Variants in PRH1 observed in about 807,000 individuals in gnomAD.
PRH1 encodes the protein salivary acidic proline-rich phosphoprotein 1/2.
A neutral mutation model predicts 7.9 loss-of-function variants in PRH1; 7 were observed. That is an observed-to-expected ratio of 0.89 (90% CI 0.50 to 1.67). The LOEUF is 1.67. Ranked by LOEUF, PRH1 falls within the 40% of genes most tolerant of loss-of-function variation. The pLI is 0.00. For synonymous variants in PRH1, 45 were observed against 80.8 expected, an observed-to-expected ratio of 0.56 and a Z score of 2.38; for missense variants, 109 against 223.6, an observed-to-expected ratio of 0.49 and a Z score of 3.27.
chr12:10,911,441 G>C (rs891336871), intron 2 of PRH1, among the ~76,000 whole-genome samples: 2 of 152,134 alleles, frequency 1.3e-5, no homozygotes, highest in African/African-American at 2.4e-5. Flanking sequence ...ATAAGAGAAA[G>C]AGAATAGATG....
At chr12:10,966,171 C>A (rs1250120917) in intron 2 of PRH1, among the ~76,000 whole-genome samples, 1 of 152,210 alleles carries the variant, frequency 6.6e-6, no homozygotes, top group Non-Finnish European at 1.5e-5. Context: ...ACATATCTCT[C>A]ATACTTAGAC....
intron 2 of PRH1, chr12:10,929,299 C>G (rs754157305): frequency 1.2e-6 from 2 of 1,614,134 alleles, no homozygotes; most frequent in Non-Finnish European, 1.7e-6. Flanking sequence ...CTGTCAGTGG[C>G]CCTGCTGGCC....
At chr12:11,071,399 C>T (rs1191597216) in intron 1 of PRH1, among the ~76,000 whole-genome samples, 172 of 152,222 alleles carry the variant, frequency 1.1e-3, no homozygotes, top group Middle Eastern at 3.4e-3. Context: ...AAAAAAAGAC[C>T]TTCTTGGAAG....
At chr12:11,103,972 C>T (rs1472218880) in intron 1 of PRH1, among the ~76,000 whole-genome samples, 2 of 151,828 alleles carry the variant, frequency 1.3e-5, no homozygotes, top group Non-Finnish European at 2.9e-5. Flanking sequence ...TGGTTCTAAT[C>T]AGATAATCAC....
intron 2 of PRH1, among the ~76,000 whole-genome samples, chr12:10,959,416 G>A (rs1407772631): frequency 1.3e-5 from 2 of 152,000 alleles, no homozygotes; most frequent in Admixed American, 6.6e-5. Context: ...AATAAGTAAG[G>A]CCATGAGTAG....
intron 1 of PRH1, chr12:11,030,699 C>A (rs1458845204): frequency 4.3e-6 from 7 of 1,614,034 alleles, no homozygotes; most frequent in Admixed American, 3.3e-5. Flanking sequence ...GATCCTTTAC[C>A]ATGGAGCTGC....
At chr12:11,101,001 C>T (rs1021612397) in intron 1 of PRH1, among the ~76,000 whole-genome samples, 5 of 151,970 alleles carry the variant, frequency 3.3e-5, no homozygotes, top group African/African-American at 2.4e-5. Flanking sequence ...TAATATCCAT[C>T]GTACTATAAT....
At chr12:11,171,367 C>A (rs900342486) in intron 1 of PRH1, 1 of 1,231,852 alleles carries the variant, frequency 8.1e-7, no homozygotes, top group Non-Finnish European at 1.0e-6. Context: ...ATGGCCCCCG[C>A]GGCGGCTCCG....
intron 2 of PRH1, among the ~76,000 whole-genome samples, chr12:10,945,227 T>A (rs1204223814): frequency 2.6e-5 from 4 of 152,182 alleles, no homozygotes; most frequent in South Asian, 2.1e-4. Context: ...TGATTCAATT[T>A]TGGAGTTCAT....
intron 1 of PRH1, among the ~76,000 whole-genome samples, chr12:11,023,662 C>T (rs1252807068): frequency 6.6e-6 from 1 of 152,116 alleles, no homozygotes; most frequent in Non-Finnish European, 1.5e-5. Flanking sequence ...TGCTCTTTTC[C>T]ACTAACCATG....
Position 11,142,263 on chromosome 12 carries a change from T to C in PRH1, n.40-21083A>G, listed in dbSNP as rs75855893. Among the ~76,000 whole-genome samples, 1,016 of 152,326 alleles carry C rather than the reference T, an allele frequency of 6.7e-3. 5 individuals carry two copies. The highest frequency in any genetic ancestry group is 0.027 in the Middle Eastern group (8 of 294). ...AAATTCAGCACAAGGAGAGTCTTTA[T>C]AGGTGAAAAGTCAACTTATATATAT... On this transcript the variant is annotated intron_variant and non_coding_transcript_variant, in intron 1 of 1. Coordinates refer to the PRH1 transcript ENST00000541175.
chr12:11,136,965 C>CT (rs1420961581), intron 1 of PRH1, among the ~76,000 whole-genome samples: 1 of 152,176 alleles, frequency 6.6e-6, no homozygotes, highest in African/African-American at 2.4e-5. Context: ...CAATTTTCTT[C>CT]TTTTTGTAAT....
At chr12:11,159,272 C>T (rs572955880) in intron 1 of PRH1, 75 of 151,256 alleles carry the variant, frequency 5.0e-4, no homozygotes, top group African/African-American at 1.7e-3. Flanking sequence ...GGTAAACAAA[C>T]GATAAGAACA....
intron 1 of PRH1, among the ~76,000 whole-genome samples, chr12:11,152,026 A>G (rs1947109461): frequency 1.3e-5 from 2 of 151,528 alleles, no homozygotes; most frequent in Admixed American, 1.3e-4. Context: ...GGGTGTTTAG[A>G]TTTTTAAATA....
At chr12:10,897,305 T>C (rs1206543339) in intron 2 of PRH1, among the ~76,000 whole-genome samples, 1 of 152,194 alleles carries the variant, frequency 6.6e-6, no homozygotes, top group Non-Finnish European at 1.5e-5. Context: ...CCAACATACA[T>C]AGGGGATATT....
intron 1 of PRH1, chr12:11,031,307 G>GA: frequency 6.2e-7 from 1 of 1,611,392 alleles, no homozygotes; most frequent in Non-Finnish European, 8.5e-7. Flanking sequence ...TACCACACTG[G>GA]AAAAAATGAT....
chr12:10,909,235 A>G lies in PRH1; in HGVS notation c.-58-24960T>C, dbSNP rs139430284. Reference sequence around the variant, plus strand: ...ATCAGTACTATAAATCCATTGCTCAAATTCCCAATTATGAATTCTGCAATT... The same window carrying G: ...ATCAGTACTATAAATCCATTGCTCAGATTCCCAATTATGAATTCTGCAATT... On this transcript the variant is annotated intron_variant, in intron 2 of 3. Transcript: ENST00000539853. 64 of 1,613,658 alleles carry G rather than the reference A, an allele frequency of 4.0e-5. No individual in the cohort carries two copies. The African/African-American group carries it at 8.4e-4, about 21-fold the overall frequency.
chr12:11,087,290 T>C (rs796086020), intron 1 of PRH1, among the ~76,000 whole-genome samples: 2,585 of 75,148 alleles, frequency 0.034, 11 homozygotes, highest in Non-Finnish European at 0.049. Flanking sequence ...TTTGTAGAGA[T>C]GGAGTTTCCA....
intron 1 of PRH1, among the ~76,000 whole-genome samples, chr12:11,146,912 C>G (rs959148533): frequency 1.3e-5 from 2 of 152,082 alleles, no homozygotes; most frequent in African/African-American, 4.8e-5. Flanking sequence ...TTACTATTCC[C>G]TTTTGTTGTC....
Sources: allele counts gnomAD v4.1 joint callset (sites outside exome capture counted in the v4.1 genomes callset), GRCh38; gene constraint gnomAD v4.1.1; transcripts MANE v1.5; gene names NCBI Gene and HGNC (gene_info 2026-07-23, HGNC 2026-07-21).